The following METTL24 variants were observed in gnomAD, a reference collection of about 807,000 sequenced individuals.
METTL24 encodes the protein probable methyltransferase-like protein 24.
METTL24 carries 29 observed loss-of-function variants against 32.7 expected under a neutral mutation model. That is an observed-to-expected ratio of 0.89 (90% CI 0.66 to 1.21). The LOEUF (loss-of-function observed/expected upper bound fraction) is 1.21, where lower values mean the gene tolerates loss of function less well. METTL24 is among the 50% of genes most tolerant of loss of function. The pLI is 0.00. For missense variants in METTL24, 439 were observed against 468.1 expected (o/e 0.94, Z 0.57); for synonymous variants, 163 against 179.5 (o/e 0.91, Z 0.73).
Position 110,246,044 on chromosome 6 carries a change from A to T in METTL24, c.1003T>A (p.Tyr335Asn). The change falls in exon 5 of 5, where the codon TAC (tyrosine) becomes AAC (asparagine). Residue 335 changes from tyrosine (Y) to asparagine (N), a missense_variant. Physicochemically the swap from Tyr to Asn is moderately radical, Grantham distance 143. Transcript: ENST00000338882. ...AGCTGAGGTTTAGATAAGTCTTTGT[A>T]ACTGTGAAAAAGCCTGAAATCCTTT... is the stretch of plus-strand genomic sequence containing the variant. ...EQKDFRLFHSYKDLSKPQLFL... is the reference protein window; with the variant it reads ...EQKDFRLFHSNKDLSKPQLFL... 1 of 1,614,168 alleles carries T rather than the reference A, an allele frequency of 6.2e-7. No homozygotes were observed. The highest frequency in any genetic ancestry group is 8.5e-7 in the Non-Finnish European group (1 of 1,180,020).
chr6:110,308,578 C>T (rs901296024), intron 3 of METTL24, among the ~76,000 whole-genome samples: 5 of 151,994 alleles, frequency 3.3e-5, no homozygotes, highest in Admixed American at 2.0e-4. Context: ...GGTGGGAATG[C>T]AAAATGGTAT....
At chr6:110,277,459 A>G (rs943909494) in intron 4 of METTL24, among the ~76,000 whole-genome samples, 2 of 152,188 alleles carry the variant, frequency 1.3e-5, no homozygotes, top group African/African-American at 4.8e-5. Context: ...AGCCTGAAGA[A>G]TGTTATACCC....
intron 1 of METTL24, among the ~76,000 whole-genome samples, chr6:110,348,850 A>T (rs570772074): frequency 1.0e-3 from 152 of 152,234 alleles, no homozygotes; most frequent in Non-Finnish European, 1.9e-3. Flanking sequence ...CCATCATCCC[A>T]CCTCTGCTCT....
Position 110,272,327 on chromosome 6 carries a change from T to C in METTL24, c.787-26067A>G, listed in dbSNP as rs543179234. The stretch of plus-strand genomic sequence containing the variant: ...CATTCCGTTTTATGGCTGAGTAGTA[T>C]TCCATGGTGTATACATACCACCTTT... On this transcript the variant is annotated intron_variant, in intron 4 of 4. Transcript: ENST00000338882. Among the ~76,000 whole-genome samples the C allele has an allele frequency of 1.2e-3, 185 of 152,248 alleles. 1 individual carries two copies. The highest frequency in any genetic ancestry group is 4.8e-3 in the Admixed American group (73 of 15,282).
chr6:110,358,063 C>T lies in METTL24; in HGVS notation c.210G>A (p.Arg70=), dbSNP rs1772734964. 11 of 1,032,102 alleles carry T rather than the reference C, an allele frequency of 1.1e-5. No homozygotes were observed. The highest frequency in any genetic ancestry group is 1.3e-5 in the Non-Finnish European group (11 of 861,960). 63.9% of individuals were successfully genotyped at this position (1,032,102 alleles called of 1,614,324 possible). A position where few individuals can be genotyped will look rare whatever the true frequency, so the allele number is the denominator to read the frequency against. The part of the protein sequence containing the change: ...PAPGQPRGAS[R]RQVTYVRSGR... The stretch of plus-strand genomic sequence containing the variant: ...CGCTGCGCACGTAGGTCACCTGCCT[C>T]CTGCTGGCGCCGCGCGGCTGGCCCG... Residue 70 remains arginine (R), a synonymous_variant, in exon 1 of 5, where the codon AGG becomes AGA. Transcript: ENST00000338882.
At chr6:110,322,197 A>G (rs1771940833) in intron 2 of METTL24, among the ~76,000 whole-genome samples, 1 of 152,210 alleles carries the variant, frequency 6.6e-6, no homozygotes, top group Non-Finnish European at 1.5e-5. Context: ...GGAGCTGGGC[A>G]GGAACTACCA....
At chr6:110,252,334 G>A (rs2114691977) in intron 4 of METTL24, among the ~76,000 whole-genome samples, 1 of 152,206 alleles carries the variant, frequency 6.6e-6, no homozygotes, top group East Asian at 1.9e-4. Flanking sequence ...CTCCCGACTT[G>A]GCTTGCAGAT....
intron 4 of METTL24, among the ~76,000 whole-genome samples, chr6:110,290,166 C>T (rs536145581): frequency 2.0e-5 from 3 of 151,366 alleles, no homozygotes; most frequent in South Asian, 4.2e-4. Flanking sequence ...TCCACCCCCC[C>T]TCAGCCTCCC....
intron 1 of METTL24, among the ~76,000 whole-genome samples, chr6:110,343,411 T>A (rs1305818878): frequency 6.6e-6 from 1 of 152,222 alleles, no homozygotes; most frequent in Non-Finnish European, 1.5e-5. Flanking sequence ...CAAGGCACTG[T>A]GCTGAGCACA....
At chr6:110,344,008 C>T (rs1772415763) in intron 1 of METTL24, among the ~76,000 whole-genome samples, 1 of 152,162 alleles carries the variant, frequency 6.6e-6, no homozygotes, top group South Asian at 2.1e-4. Flanking sequence ...GTACATGGCT[C>T]AAGCCATTTT....
Position 110,358,158 on chromosome 6 carries a change from C to G in METTL24, c.115G>C (p.Gly39Arg). The change falls in exon 1 of 5, where the codon GGG (glycine) becomes CGG (arginine). Residue 39 changes from glycine (G) to arginine (R), a missense_variant. Gly to Arg is a moderately radical substitution (Grantham distance 125). Coordinates refer to ENST00000338882, the MANE Select transcript of METTL24 (RefSeq NM_001123364.3). ...LCAELRRAGP[G>R]SPTRSAPPGP... ...GGCGGGGCGCTGCGGGTGGGGGACCCGGGCCCGGCGCGCCGCAGCTCTGCG... is the reference window on the plus strand; with the variant it reads ...GGCGGGGCGCTGCGGGTGGGGGACCGGGGCCCGGCGCGCCGCAGCTCTGCG... 2 of 1,200,504 alleles carry G rather than the reference C, an allele frequency of 1.7e-6. No homozygotes were observed. Among genetic ancestry groups the G allele is most frequent in the South Asian group, 3.7e-5 (1 of 26,908 alleles). 74.4% of individuals were successfully genotyped at this position (1,200,504 alleles called of 1,614,324 possible).
Position 110,245,664 on chromosome 6 carries a change from T to C in METTL24, c.*282A>G, listed in dbSNP as rs764913351. ...GGTGAATTCATAGATTATAGATACA[T>C]AGAGAATTTTAGGGAAAACTGTGAT... is the stretch of plus-strand genomic sequence containing the variant. On this transcript the variant is annotated 3_prime_UTR_variant, in exon 5 of 5. Transcript: ENST00000338882. Among the ~76,000 whole-genome samples, 3 of 152,164 alleles carry C rather than the reference T, an allele frequency of 2.0e-5. No individual in the cohort carries two copies. The highest frequency in any genetic ancestry group is 1.9e-4 in the East Asian group (1 of 5,194).
At chr6:110,340,259 T>G (rs1340817297) in intron 1 of METTL24, among the ~76,000 whole-genome samples, 1 of 152,062 alleles carries the variant, frequency 6.6e-6, no homozygotes, top group Non-Finnish European at 1.5e-5. Context: ...GGAGGGGTCC[T>G]GACTCTAGGG....
chr6:110,349,495 G>A lies in METTL24; in HGVS notation c.318+8460C>T, dbSNP rs146261641. Among the ~76,000 whole-genome samples the A allele has an allele frequency of 4.4e-4, 67 of 152,292 alleles. No homozygotes were observed. In the East Asian group the frequency reaches 0.011, roughly 24 times the overall value. On this transcript the variant is annotated intron_variant, in intron 1 of 4. Coordinates refer to ENST00000338882, the MANE Select transcript of METTL24 (RefSeq NM_001123364.3). ...AATAAACCTCTGCTAGCATGAGTCC[G>A]GAGCATTGTTTGTGACCACAGCATA...
Position 110,244,911 on chromosome 6 carries a change from T to C in METTL24, c.*1035A>G, listed in dbSNP as rs1036665086. On this transcript the variant is annotated 3_prime_UTR_variant, in exon 5 of 5. Transcript: ENST00000338882. ...GAGAGCACAGACCGAAGGAGCCAGA[T>C]GGAAACCAGAATATGTGAGTCAAGA... Among the ~76,000 whole-genome samples the C allele has an allele frequency of 2.2e-4, 34 of 152,114 alleles. No homozygotes were observed. Among genetic ancestry groups the C allele is most frequent in the African/African-American group, 8.2e-4 (34 of 41,420 alleles).
chr6:110,326,684 C>T (rs1194359912), intron 1 of METTL24, among the ~76,000 whole-genome samples: 1 of 152,186 alleles, frequency 6.6e-6, no homozygotes, highest in Non-Finnish European at 1.5e-5. Context: ...AATGCAATAC[C>T]TGTGTCTGGT....
intron 2 of METTL24, among the ~76,000 whole-genome samples, chr6:110,319,876 T>C (rs979128435): frequency 1.3e-5 from 2 of 152,196 alleles, no homozygotes; most frequent in African/African-American, 4.8e-5. Flanking sequence ...TGCTGTCTCA[T>C]GCCATGCTGT....
chr6:110,299,280 A>C (rs1771479584), intron 3 of METTL24, 130 bp from the exon 4 acceptor site: 4 of 708,232 alleles, frequency 5.6e-6, no homozygotes, highest in Non-Finnish European at 9.5e-6. Flanking sequence ...ACCCATGGCT[A>C]ATGTACACAT....
rs1202956157 is a variant in METTL24, at chr6:110,245,110, C to A, written c.*836G>T. On this transcript the variant is annotated 3_prime_UTR_variant, in exon 5 of 5. Transcript: ENST00000338882. ...TAGTTAAACATTATTCTAGGTGTAT[C>A]TGTAAGGATATTTCCAGATGAAATT... Among the ~76,000 whole-genome samples the A allele has an allele frequency of 2.0e-5, 3 of 152,098 alleles. No individual in the cohort carries two copies. Among genetic ancestry groups the A allele is most frequent in the Non-Finnish European group, 4.4e-5 (3 of 68,026 alleles).
Sources: allele counts gnomAD v4.1 joint callset (sites outside exome capture counted in the v4.1 genomes callset), GRCh38; gene constraint gnomAD v4.1.1; transcripts MANE v1.5; gene names NCBI Gene and HGNC (gene_info 2026-07-23, HGNC 2026-07-21).